The following CNTNAP2 variants were observed in gnomAD, a reference collection of about 807,000 sequenced individuals.
CNTNAP2 encodes the protein contactin-associated protein-like 2.
CNTNAP2 carries 98 observed loss-of-function variants against 155.2 expected under a neutral mutation model. That is an observed-to-expected ratio of 0.63 (90% confidence interval 0.54 to 0.75). The LOEUF (loss-of-function observed/expected upper bound fraction) is 0.75. CNTNAP2 is among the 30% of genes least tolerant of loss of function. The pLI, the probability that CNTNAP2 is intolerant of heterozygous loss-of-function variation, is 0.00. For synonymous variants in CNTNAP2, 651 were observed against 631.2 expected, an observed-to-expected ratio of 1.03 and a Z score of -0.47; for missense variants, 1,727 against 1,688.1, an observed-to-expected ratio of 1.02 and a Z score of -0.40.
chr7:146,335,132 T>A (rs1801252503), intron 1 of CNTNAP2, among the ~76,000 whole-genome samples: 1 of 152,214 alleles, frequency 6.6e-6, no homozygotes, highest in Admixed American at 6.5e-5. Flanking sequence ...GGTAAATGAT[T>A]TGAAGATTTC....
chr7:147,544,509 A>G (rs980835111), intron 11 of CNTNAP2, among the ~76,000 whole-genome samples: 1 of 152,130 alleles, frequency 6.6e-6, no homozygotes, highest in Non-Finnish European at 1.5e-5. Flanking sequence ...ATAGGCTTTC[A>G]GAAAACAATT....
intron 1 of CNTNAP2, among the ~76,000 whole-genome samples, chr7:146,614,307 G>A (rs1448327035): frequency 6.6e-6 from 1 of 152,068 alleles, no homozygotes. Context: ...CGTGTTTATG[G>A]TCTTCCTAAA....
At chr7:146,147,205 G>A (rs1797970044) in intron 1 of CNTNAP2, among the ~76,000 whole-genome samples, 2 of 152,022 alleles carry the variant, frequency 1.3e-5, no homozygotes, top group Admixed American at 1.3e-4. Context: ...GCACTGGATC[G>A]GCAATGTGGC....
chr7:147,526,167 G>T (rs550935855), intron 11 of CNTNAP2, among the ~76,000 whole-genome samples: 2 of 150,618 alleles, frequency 1.3e-5, no homozygotes, highest in African/African-American at 4.9e-5. Context: ...ACTCCAGCCT[G>T]GGAGACAGAG....
chr7:146,226,150 T>G (rs749045834), intron 1 of CNTNAP2, among the ~76,000 whole-genome samples: 1 of 152,160 alleles, frequency 6.6e-6, no homozygotes, highest in Non-Finnish European at 1.5e-5. Context: ...CTCTTAGCAC[T>G]CAGATTCTGC....
intron 18 of CNTNAP2, among the ~76,000 whole-genome samples, chr7:148,206,863 T>G (rs1795458665): frequency 6.6e-6 from 1 of 152,274 alleles, no homozygotes; most frequent in Non-Finnish European, 1.5e-5. Flanking sequence ...GTACTGTAGA[T>G]TCCTATTATT....
At chr7:148,319,478 G>A (rs1797752508) in intron 21 of CNTNAP2, among the ~76,000 whole-genome samples, 1 of 151,988 alleles carries the variant, frequency 6.6e-6, no homozygotes, top group Non-Finnish European at 1.5e-5. Context: ...GCTAGGTCAG[G>A]GGTCACCAAC....
chr7:147,241,227 A>G (rs904342672), intron 8 of CNTNAP2, among the ~76,000 whole-genome samples: 1 of 152,096 alleles, frequency 6.6e-6, no homozygotes, highest in African/African-American at 2.4e-5. Context: ...GACAAACACA[A>G]TTTTCACTTT....
Position 147,784,381 on chromosome 7 carries a change from CATATAT to C in CNTNAP2, c.2099-119163_2099-119158del, listed in dbSNP as rs60221349. Among the ~76,000 whole-genome samples, 719 of 99,300 alleles carry C rather than the reference CATATAT, an allele frequency of 7.2e-3. 29 individuals are homozygous for C. The highest frequency in any genetic ancestry group is 0.045 in the East Asian group (183 of 4,090). 65.1% of individuals were successfully genotyped at this position (99,300 alleles called of 152,430 possible). A position where few individuals can be genotyped will look rare whatever the true frequency, so the allele number is the denominator to read the frequency against. On this transcript the variant is annotated intron_variant, in intron 13 of 23. Transcript: ENST00000361727. ...TTCATAGCCCTCTACAAACTAAAAA[CATATAT>C]ATATATATATATATATATATGTAAC...
chr7:148,090,799 A>G (rs540753880), intron 15 of CNTNAP2, among the ~76,000 whole-genome samples: 5 of 152,252 alleles, frequency 3.3e-5, no homozygotes, highest in African/African-American at 7.2e-5. Flanking sequence ...GTGCACTCCT[A>G]TGTTTACCGC....
At chr7:147,778,642 A>C (rs998964585) in intron 13 of CNTNAP2, among the ~76,000 whole-genome samples, 1 of 152,186 alleles carries the variant, frequency 6.6e-6, no homozygotes, top group African/African-American at 2.4e-5. Context: ...TTCCATTTGC[A>C]GATGTTCCAG....
At chr7:146,142,625 T>G (rs1287068714) in intron 1 of CNTNAP2, among the ~76,000 whole-genome samples, 1 of 152,222 alleles carries the variant, frequency 6.6e-6, no homozygotes, top group Non-Finnish European at 1.5e-5. Flanking sequence ...CTACCACTTA[T>G]GAGCAGAAAA....
At chr7:148,304,170 T>A (rs2116504817) in intron 21 of CNTNAP2, among the ~76,000 whole-genome samples, 1 of 152,240 alleles carries the variant, frequency 6.6e-6, no homozygotes, top group East Asian at 1.9e-4. Context: ...CTTGATAGGT[T>A]CAAAACAGGA....
At chr7:148,040,842 T>A (rs1455614633) in intron 15 of CNTNAP2, among the ~76,000 whole-genome samples, 5 of 61,498 alleles carry the variant, frequency 8.1e-5, no homozygotes, top group African/African-American at 1.6e-4. Context: ...AGAGAGCAAA[T>A]TTTTTTTTTT....
chr7:146,916,428 A>T (rs1331346309), intron 3 of CNTNAP2, among the ~76,000 whole-genome samples: 1 of 152,136 alleles, frequency 6.6e-6, no homozygotes, highest in Non-Finnish European at 1.5e-5. Context: ...TGTCTGATTG[A>T]ATTCAACTGT....
intron 7 of CNTNAP2, among the ~76,000 whole-genome samples, chr7:147,131,078 ATGTATATATG>A (rs1563087500): frequency 1.2e-5 from 1 of 82,420 alleles, no homozygotes; most frequent in African/African-American, 4.6e-5. Context: ...GTGTATATAT[ATGTATATATG>A]TGTATATATA....
intron 13 of CNTNAP2, among the ~76,000 whole-genome samples, chr7:147,762,132 T>TTCTC (rs72279270): frequency 5.6e-5 from 8 of 143,090 alleles, no homozygotes; most frequent in Admixed American, 4.2e-4. Flanking sequence ...TCTAATATGT[T>TTCTC]TCTCTCTCTC....
intron 11 of CNTNAP2, among the ~76,000 whole-genome samples, chr7:147,560,846 T>TAAC (rs1800049653): frequency 6.7e-6 from 1 of 148,826 alleles, no homozygotes; most frequent in South Asian, 2.2e-4. Flanking sequence ...GTTGAAGGTC[T>TAAC]AACATCCTTG....
chr7:146,873,897 T>C (rs1441494039), intron 3 of CNTNAP2, among the ~76,000 whole-genome samples: 1 of 149,762 alleles, frequency 6.7e-6, no homozygotes, highest in Non-Finnish European at 1.5e-5. Flanking sequence ...TTTAAAAATA[T>C]TATTTACAAA....
Sources: gnomAD v4.1 joint callset for allele counts (sites outside exome capture counted in the v4.1 genomes callset) on GRCh38, gnomAD v4.1.1 for gene constraint, MANE v1.5 for transcripts, NCBI Gene and HGNC (gene_info 2026-07-23, HGNC 2026-07-21) for gene names.